The following BCL2L13 variants were observed in gnomAD, a reference collection of about 807,000 sequenced individuals.
BCL2L13 encodes the protein bcl-2-like protein 13.
BCL2L13 carries 13 observed loss-of-function variants against 25.8 expected under a neutral mutation model. That is an observed-to-expected ratio of 0.50 (90% CI 0.33 to 0.80). BCL2L13 has a LOEUF of 0.80. BCL2L13 is among the 30% of genes least tolerant of loss of function. The probability of loss-of-function intolerance (pLI) is 0.02; values close to 1 mark genes in which losing one functional copy is unlikely to be tolerated. For missense variants in BCL2L13, 504 were observed against 574.9 expected (o/e 0.88, Z 1.26); for synonymous variants, 244 against 230.3 (o/e 1.06, Z -0.54).
chr22:17,647,966 A>G (rs1379510374), intron 1 of BCL2L13, among the ~76,000 whole-genome samples: 1 of 151,948 alleles, frequency 6.6e-6, no homozygotes, highest in Non-Finnish European at 1.5e-5. Flanking sequence ...CGTCTCTACT[A>G]AAAAATACAA....
At position 17,726,963 on chromosome 22, in the gene BCL2L13, A is replaced by T; in HGVS notation, c.887A>T (p.Glu296Val). ...VKSLDSNGAG[E>V]KSENNSSNSD... ...AGCTTAGACAGCAACGGAGCTGGAG[A>T]GAAGAGTGAGAACAACTCCTCTAAT... The change falls in exon 7 of 7, where the codon GAG (glutamate) becomes GTG (valine). Residue 296 changes from glutamate (E) to valine (V), a missense_variant. Glu to Val is a moderately radical substitution (Grantham distance 121). Transcript: ENST00000317582. The T allele has an allele frequency of 1.2e-6, 2 of 1,614,202 alleles. No homozygotes were observed. The highest frequency in any genetic ancestry group is 1.7e-6 in the Non-Finnish European group (2 of 1,180,022).
chr22:17,636,473 C>G (rs1041608691), upstream of BCL2L13, among the ~76,000 whole-genome samples: 2 of 151,818 alleles, frequency 1.3e-5, no homozygotes, highest in African/African-American at 4.8e-5. Context: ...GGCTGGGTAA[C>G]AGAAGCGACA....
intron 3 of BCL2L13, chr22:17,684,526 C>G: frequency 2.2e-6 from 1 of 451,460 alleles, no homozygotes. Context: ...TTTGCCTATT[C>G]TGGAAATATA....
At chr22:17,656,670 T>C (rs1308162795) in intron 2 of BCL2L13, among the ~76,000 whole-genome samples, 1 of 151,948 alleles carries the variant, frequency 6.6e-6, no homozygotes, top group Non-Finnish European at 1.5e-5. Flanking sequence ...TTGAAAGATA[T>C]TTCCAAAGCA....
chr22:17,701,096 A>AT (rs201810138), intron 5 of BCL2L13, among the ~76,000 whole-genome samples: 1,717 of 150,460 alleles, frequency 0.011, 25 homozygotes, highest in African/African-American at 0.037. Context: ...TTCAATATGC[A>AT]TTTTTTTTTA....
rs374385339 is a variant in BCL2L13 at position 17,727,276 on chromosome 22, C to T, written c.1200C>T (p.Pro400=). 2.5e-5 allele frequency: 41 copies of T among 1,614,078 alleles called. No individual in the cohort carries two copies. The highest frequency in any genetic ancestry group is 2.2e-4 in the East Asian group (10 of 44,894). Residue 400 remains proline (P), a synonymous_variant, in exon 7 of 7, where the codon CCC becomes CCT. Transcript: ENST00000317582. Reference sequence around the variant, plus strand: ...CTACTGAAGTGGAGGAGGTGGTCCCCGCACTGGAACCCACAGAAACGCTGC... The same window carrying T: ...CTACTGAAGTGGAGGAGGTGGTCCCTGCACTGGAACCCACAGAAACGCTGC... ...TEPTEVEEVV[P]ALEPTETLLS...
intron 2 of BCL2L13, among the ~76,000 whole-genome samples, chr22:17,673,159 A>G (rs909186149): frequency 6.6e-6 from 1 of 152,110 alleles, no homozygotes; most frequent in South Asian, 2.1e-4. Context: ...ATAAACCTGT[A>G]AAGTTCTATG....
At chr22:17,646,132 C>T (rs1160155215) in intron 1 of BCL2L13, among the ~76,000 whole-genome samples, 1 of 151,396 alleles carries the variant, frequency 6.6e-6, no homozygotes, top group African/African-American at 2.5e-5. Context: ...TACCAAGGGA[C>T]AATTCTACTT....
At chr22:17,705,227 C>T (rs745450835) in intron 6 of BCL2L13, among the ~76,000 whole-genome samples, 118 of 151,368 alleles carry the variant, frequency 7.8e-4, no homozygotes, top group Middle Eastern at 3.2e-3. Flanking sequence ...GAGCTGAGAT[C>T]GTGCCATTGC....
At chr22:17,639,728 C>G (rs750259645) in intron 1 of BCL2L13, among the ~76,000 whole-genome samples, 1 of 152,122 alleles carries the variant, frequency 6.6e-6, no homozygotes, top group African/African-American at 2.4e-5. Context: ...TTGCGTAAAA[C>G]AAAACAAAAA....
chr22:17,725,073 G>A (rs541279562), intron 6 of BCL2L13, among the ~76,000 whole-genome samples: 1 of 152,334 alleles, frequency 6.6e-6, no homozygotes, highest in South Asian at 2.1e-4. Context: ...TGGACACAAG[G>A]CCTGTGCTGT....
At chr22:17,631,664 GTGTGTGTA>G (rs1325648074) in intron 1 of BCL2L13, among the ~76,000 whole-genome samples, 535 of 26,832 alleles carry the variant, frequency 0.02, 16 homozygotes, top group East Asian at 0.041. Context: ...ATGTATGTGT[GTGTGTGTA>G]TATATATATA....
chr22:17,672,163 G>T (rs1187686534), intron 2 of BCL2L13, among the ~76,000 whole-genome samples: 1 of 152,172 alleles, frequency 6.6e-6, no homozygotes, highest in Non-Finnish European at 1.5e-5. Flanking sequence ...GAGTGTTATC[G>T]CAAGGCTAAT....
intron 6 of BCL2L13, among the ~76,000 whole-genome samples, chr22:17,722,669 T>C (rs2061179476): frequency 6.6e-6 from 1 of 152,196 alleles, no homozygotes; most frequent in African/African-American, 2.4e-5. Context: ...CTTAAATTCC[T>C]TGGCCTTTTT....
Position 17,646,607 on chromosome 22 carries a change from G to C in BCL2L13, c.-51+7721G>C, listed in dbSNP as rs547841407. Among the ~76,000 whole-genome samples, 3 of 149,730 alleles carry C rather than the reference G, an allele frequency of 2.0e-5. No homozygotes were observed. In the East Asian group the frequency reaches 5.9e-4, roughly 29 times the overall value. ...GTATTTACTCACTTCTGGATACCAA[G>C]AACACTTGTACTAACTTGAATTTTA... On this transcript the variant is annotated intron_variant, in intron 1 of 6. Coordinates refer to ENST00000317582, the MANE Select transcript of BCL2L13 (RefSeq NM_015367.4).
At chr22:17,715,170 A>ATTTTTTT (rs149600387) in intron 6 of BCL2L13, among the ~76,000 whole-genome samples, 1 of 11,052 alleles carries the variant, frequency 9.0e-5, no homozygotes, top group Non-Finnish European at 1.6e-4. Context: ...ATATATATAT[A>ATTTTTTT]TTTTTTTTTT....
upstream of BCL2L13, among the ~76,000 whole-genome samples, chr22:17,634,598 T>C (rs1373182400): frequency 1.3e-5 from 2 of 152,222 alleles, no homozygotes; most frequent in Admixed American, 1.3e-4. Context: ...GTACTCATCA[T>C]TGCTTTTGCT....
chr22:17,720,302 G>T (rs1399832662), intron 6 of BCL2L13, among the ~76,000 whole-genome samples: 1 of 152,082 alleles, frequency 6.6e-6, no homozygotes, highest in Non-Finnish European at 1.5e-5. Flanking sequence ...CTGAGTAGCT[G>T]AGTAGCTGGG....
chr22:17,702,548 A>ACTTCGGTCTCAAC (rs1422602254), intron 6 of BCL2L13, 162 bp downstream of exon 6: 11 of 610,536 alleles, frequency 1.8e-5, no homozygotes, highest in Middle Eastern at 4.6e-4. Flanking sequence ...GGCTCAAGTG[A>ACTTCGGTCTCAAC]TCCTGCCTCA....
Sources: gnomAD v4.1 joint callset for allele counts (sites outside exome capture counted in the v4.1 genomes callset) on GRCh38, gnomAD v4.1.1 for gene constraint, MANE v1.5 for transcripts, NCBI Gene and HGNC (gene_info 2026-07-23, HGNC 2026-07-21) for gene names.